UFD1: variants seen among roughly 807,000 people sequenced by gnomAD.
UFD1 encodes ubiquitin recognition factor in ER-associated degradation protein 1.
UFD1 carries 13 observed loss-of-function variants against 45.9 expected under a neutral mutation model. The observed-to-expected ratio is 0.28, with a 90% CI of 0.18 to 0.45. The LOEUF (loss-of-function observed/expected upper bound fraction) is 0.45. Ranked by LOEUF, UFD1 falls within the 20% of genes least tolerant of loss-of-function variation. The pLI, the probability that UFD1 is intolerant of heterozygous loss-of-function variation, is 1.00. For missense variants in UFD1, 218 were observed against 389.2 expected (o/e 0.56, Z 3.70); for synonymous variants, 128 against 139.2 (o/e 0.92, Z 0.56).
At chr22:19,471,336 A>G (rs771060866) in intron 4 of UFD1, 3 of 559,928 alleles carry the variant, frequency 5.4e-6, no homozygotes, top group East Asian at 4.7e-5. Flanking sequence ...GGGGAAAAGC[A>G]TAAAAACCTC....
At chr22:19,459,160 T>G (rs566037276) in intron 6 of UFD1, among the ~76,000 whole-genome samples, 25 of 152,376 alleles carry the variant, frequency 1.6e-4, no homozygotes, top group Admixed American at 1.5e-3. Flanking sequence ...GGTCAGGGAC[T>G]GTCTGTATAC....
chr22:19,471,654 C>G, intron 4 of UFD1, 33 bp downstream of exon 4: 1 of 1,606,794 alleles, frequency 6.2e-7, no homozygotes, highest in African/African-American at 1.3e-5. Context: ...GCCTAAGTGG[C>G]TGCTCTCTAG....
chr22:19,451,947 T>C (rs1403697925), intron 11 of UFD1: 1 of 985,414 alleles, frequency 1.0e-6, no homozygotes, highest in East Asian at 1.1e-4. Flanking sequence ...TCTATGACTT[T>C]CTTATTTCTA....
intron 4 of UFD1, 68 bp downstream of exon 4, chr22:19,471,614 CCAGGA>C (rs1284388498): frequency 6.4e-7 from 1 of 1,574,688 alleles, no homozygotes; most frequent in African/African-American, 1.3e-5. Flanking sequence ...TGCTCCAGGG[CCAGGA>C]CTCTCGAGTG....
At chr22:19,462,356 AAAC>A (rs2089773817) in intron 6 of UFD1, among the ~76,000 whole-genome samples, 1 of 152,166 alleles carries the variant, frequency 6.6e-6, no homozygotes, top group African/African-American at 2.4e-5. Context: ...CTTTAATTCT[AAAC>A]AACTCTCTCA....
chr22:19,453,329 A>G, intron 11 of UFD1: 1 of 985,466 alleles, frequency 1.0e-6, no homozygotes, highest in Non-Finnish European at 1.2e-6. Context: ...TTCTTACCTC[A>G]TGACCTTTAG....
intron 3 of UFD1, among the ~76,000 whole-genome samples, chr22:19,473,543 T>C (rs1480853501): frequency 2.0e-5 from 3 of 152,172 alleles, no homozygotes; most frequent in African/African-American, 4.8e-5. Flanking sequence ...AAGACCTTTT[T>C]AGGGAGCCTG....
chr22:19,454,929 C>T (rs2089711618), intron 10 of UFD1, 99 bp from the exon 11 acceptor site: 5 of 1,365,528 alleles, frequency 3.7e-6, no homozygotes, highest in South Asian at 2.9e-5. Flanking sequence ...GATGCTGCTG[C>T]ACCCCACCTG....
At chr22:19,478,938 G>T (rs1021889638) in intron 1 of UFD1, 145 bp downstream of exon 1, 10 of 1,128,994 alleles carry the variant, frequency 8.9e-6, no homozygotes, top group Non-Finnish European at 1.2e-5. Context: ...GCTTGTGCCC[G>T]GTGCGGCCGA....
intron 11 of UFD1, chr22:19,451,805 A>G (rs1428837084): frequency 4.1e-6 from 4 of 985,230 alleles, no homozygotes; most frequent in East Asian, 1.1e-4. Context: ...CCTCTATTCA[A>G]TCACAGCCTG....
At chr22:19,458,764 ATAAC>A (rs1196882911) in intron 6 of UFD1, among the ~76,000 whole-genome samples, 1 of 152,154 alleles carries the variant, frequency 6.6e-6, no homozygotes, top group African/African-American at 2.4e-5. Context: ...TTCTAAGTAA[ATAAC>A]TAGCTATACC....
rs760578847 is a variant in UFD1 at position 19,456,640 on chromosome 22, A to G, written c.631-6T>C. On this transcript the variant is annotated splice_region_variant and splice_polypyrimidine_tract_variant and intron_variant, in intron 8 of 11. Transcript: ENST00000263202. ...CTGTGGTCGGCTTCACCTTCCTGAC[A>G]GGGAAAAAGAAAAACAGGTGAGCTC... is the stretch of plus-strand genomic sequence containing the variant. 7.4e-6 allele frequency: 12 copies of G among 1,614,178 alleles called. No homozygotes were observed. In the South Asian group the frequency reaches 1.3e-4, roughly 18 times the overall value.
intron 3 of UFD1, among the ~76,000 whole-genome samples, chr22:19,473,309 T>C (rs1392442216): frequency 2.0e-5 from 3 of 152,236 alleles, no homozygotes; most frequent in Non-Finnish European, 4.4e-5. Flanking sequence ...TCCCAGTCCC[T>C]CTGTACCCCC....
Position 19,465,288 on chromosome 22 carries a change from C to G in UFD1, c.423-14G>C. 1 of 1,613,058 alleles carries G rather than the reference C, an allele frequency of 6.2e-7. No homozygotes were observed. The highest frequency in any genetic ancestry group is 8.5e-7 in the Non-Finnish European group (1 of 1,179,022). On this transcript the variant is annotated splice_polypyrimidine_tract_variant and intron_variant, in intron 5 of 11. Transcript: ENST00000263202. ...GCGTTTTCTAATCTGCAGACACATT[C>G]TGTCAAGGCAACATGGCAAGATGGA...
chr22:19,461,470 C>T (rs2089765861), intron 6 of UFD1, among the ~76,000 whole-genome samples: 1 of 152,218 alleles, frequency 6.6e-6, no homozygotes, highest in Non-Finnish European at 1.5e-5. Context: ...GGTGTCTTAA[C>T]TACTGGAGCT....
chr22:19,466,469 A>G (rs2089802687), intron 5 of UFD1: 1 of 152,304 alleles, frequency 6.6e-6, no homozygotes, highest in African/African-American at 2.4e-5. Flanking sequence ...GATGGAAGTG[A>G]CGCCCTTTCT....
intron 11 of UFD1, chr22:19,451,464 T>C: frequency 1.0e-6 from 1 of 985,398 alleles, no homozygotes. Flanking sequence ...TCAGAAACAT[T>C]CCACTAAGCT....
rs550481495 is a variant in UFD1, at chr22:19,468,881, G to A, written c.292-878C>T. Among the ~76,000 whole-genome samples the A allele has an allele frequency of 2.6e-5, 4 of 152,316 alleles. No homozygotes were observed. The East Asian group carries it at 7.7e-4, about 29-fold the overall frequency. The stretch of plus-strand genomic sequence containing the variant: ...AGAATGTTTCATCGGGAGTGGCAGT[G>A]AGAAGGTGACTTTAACAGCCAAGGG... On this transcript the variant is annotated intron_variant, in intron 4 of 11. Coordinates refer to ENST00000263202, the MANE Select transcript of UFD1 (RefSeq NM_005659.7).
chr22:19,464,440 G>A (rs769451094), intron 6 of UFD1, among the ~76,000 whole-genome samples: 70 of 152,260 alleles, frequency 4.6e-4, no homozygotes, highest in Non-Finnish European at 1.5e-4. Context: ...GGGACAGCCT[G>A]ATGGCAGGAT....
Sources: gnomAD v4.1 joint callset for allele counts (sites outside exome capture counted in the v4.1 genomes callset) on GRCh38, gnomAD v4.1.1 for gene constraint, MANE v1.5 for transcripts, NCBI Gene and HGNC (gene_info 2026-07-23, HGNC 2026-07-21) for gene names.